PROC: variants seen among roughly 807,000 people sequenced by gnomAD.
The protein encoded by PROC is vitamin K-dependent protein C.
In PROC, 22 loss-of-function variants were observed where a neutral mutation model predicts 36.3. The ratio of observed to expected loss-of-function variants is 0.61; its 90% CI spans 0.43 to 0.86. PROC has a LOEUF of 0.86. PROC is among the 40% of genes least tolerant of loss of function. The pLI is 0.00. For synonymous variants in PROC, 218 were observed against 244.5 expected (o/e 0.89, Z 1.01); for missense variants, 526 against 629.7 (o/e 0.84, Z 1.76).
At chr2:127,421,192 TCTC>T (rs1688069229) in intron 2 of PROC, 88 bp from the exon 3 acceptor site, 1 of 1,370,456 alleles carries the variant, frequency 7.3e-7, no homozygotes, top group Non-Finnish European at 1.0e-6. Context: ...CTTCCCAGGC[TCTC>T]CCAGCTCTGC....
intron 6 of PROC, among the ~76,000 whole-genome samples, chr2:127,423,915 A>G (rs990953112): frequency 3.9e-5 from 6 of 152,204 alleles, no homozygotes; most frequent in Non-Finnish European, 7.3e-5. Flanking sequence ...ATATGTATGA[A>G]ACTTTAAAAA....
chr2:127,428,763 C>A lies in PROC; in HGVS notation c.1203C>A (p.Asp401Glu). 6.2e-7 allele frequency: 1 copy of A among 1,613,082 alleles called. No homozygotes were observed. Among genetic ancestry groups the A allele is most frequent in the Non-Finnish European group, 8.5e-7 (1 of 1,179,850 alleles). The change falls in exon 9 of 9, where the codon GAC becomes GAA. Residue 401 changes from aspartate to glutamate, a missense_variant. Transcript: ENST00000234071. Reference sequence around the variant, plus strand: ...ACCGGCAGGATGCCTGCGAGGGCGACAGTGGGGGGCCCATGGTCGCCTCCT... The same window carrying A: ...ACCGGCAGGATGCCTGCGAGGGCGAAAGTGGGGGGCCCATGGTCGCCTCCT... ...LGDRQDACEG[D>E]SGGPMVASFH...
At chr2:127,421,910 A>C (rs1343107293) in intron 3 of PROC, among the ~76,000 whole-genome samples, 1 of 152,202 alleles carries the variant, frequency 6.6e-6, no homozygotes, top group Non-Finnish European at 1.5e-5. Context: ...AGGGGGTCGG[A>C]AGACAGGGTC....
chr2:127,426,107 C>T lies in PROC; in HGVS notation c.558C>T (p.Pro186=). The T allele has an allele frequency of 6.2e-7, 1 of 1,614,020 alleles. No individual in the cohort carries two copies. The highest frequency in any genetic ancestry group is 8.5e-7 in the Non-Finnish European group (1 of 1,180,006). Residue 186 remains proline, a synonymous_variant, in exon 7 of 9, where the codon CCC becomes CCT. Coordinates refer to ENST00000234071, the MANE Select transcript of PROC (RefSeq NM_000312.4). This position sits in a 1 kb window ranked among gnomAD's most constrained non-coding sequence, Gnocchi z 7.0. ...HPAVKFPCGR[P]WKRMEKKRSH... ...CAGTGAAGTTCCCTTGTGGGAGGCCCTGGAAGCGGATGGAGAAGAAGCGCA... is the reference window on the plus strand; with the variant it reads ...CAGTGAAGTTCCCTTGTGGGAGGCCTTGGAAGCGGATGGAGAAGAAGCGCA...
chr2:127,423,580 G>T (rs1449475458), intron 6 of PROC, 172 bp downstream of exon 6: 7 of 848,994 alleles, frequency 8.2e-6, no homozygotes, highest in Non-Finnish European at 1.2e-5. Context: ...CACTGTTAGC[G>T]CAATCAGCCC....
chr2:127,421,510 C>A, intron 3 of PROC, 61 bp downstream of exon 3: 1 of 1,593,866 alleles, frequency 6.3e-7, no homozygotes, highest in Non-Finnish European at 8.6e-7. Context: ...CAGCAGGGGC[C>A]TCGAGGAGCA....
At position 127,422,931 on chromosome 2, in the gene PROC, C is replaced by G; in HGVS notation, c.252C>G (p.Ser84=). 6.3e-7 allele frequency: 1 copy of G among 1,584,256 alleles called. No homozygotes were observed. Among genetic ancestry groups the G allele is most frequent in the Non-Finnish European group, 8.6e-7 (1 of 1,166,446 alleles). The part of the protein sequence containing the change: ...QNVDDTLAFW[S]KHVDGDQCLV... ...TCTCTCCGCAGCTGGCCTTCTGGTC[C>G]AAGCACGTCGGTGAGTGCGTTCTAG... The change falls in exon 4 of 9, where the codon TCC becomes TCG. Residue 84 remains serine, a synonymous_variant. Coordinates refer to ENST00000234071, the MANE Select transcript of PROC (RefSeq NM_000312.4).
At position 127,418,604 on chromosome 2, in the gene PROC, G is replaced by A; in HGVS notation, c.-22+112G>A. ...ATCCTCCAGCCAGGGTGCTCAACAA[G>A]CCTGAGCTTGGGGTGAAAGGACACA... is the stretch of plus-strand genomic sequence containing the variant. On this transcript the variant is annotated intron_variant, in intron 1 of 8. Coordinates refer to ENST00000234071, the MANE Select transcript of PROC (RefSeq NM_000312.4). This position sits in a 1 kb window ranked among gnomAD's most constrained non-coding sequence, Gnocchi z 4.8. 3.0e-6 allele frequency: 3 copies of A among 1,009,720 alleles called. No individual in the cohort carries two copies. The highest frequency in any genetic ancestry group is 4.1e-6 in the Non-Finnish European group (3 of 739,686). The allele number at this position is 1,009,720 out of a possible 1,614,324, so 62.5% of individuals were successfully genotyped here. A position where few individuals can be genotyped will look rare whatever the true frequency, so the allele number is the denominator to read the frequency against.
At chr2:127,427,028 C>T (rs1688548897) in intron 7 of PROC, 77 bp from the exon 8 acceptor site, 4 of 1,237,188 alleles carry the variant, frequency 3.2e-6, no homozygotes, top group Non-Finnish European at 4.8e-6. Flanking sequence ...CAGGAAAGTG[C>T]ATATGAAACC....
chr2:127,429,060 C>G lies in PROC; in HGVS notation c.*114C>G. 8.2e-7 allele frequency: 1 copy of G among 1,219,752 alleles called. No individual in the cohort carries two copies. Among genetic ancestry groups the G allele is most frequent in the African/African-American group, 1.5e-5 (1 of 66,642 alleles). 75.6% of individuals were successfully genotyped at this position (1,219,752 alleles called of 1,614,324 possible). ...CCTTCCATCCCTCTTTTGGGCTCTTCTGGAGGGAAGTAACATTTACTGAGC... is the reference window on the plus strand; with the variant it reads ...CCTTCCATCCCTCTTTTGGGCTCTTGTGGAGGGAAGTAACATTTACTGAGC... On this transcript the variant is annotated 3_prime_UTR_variant, in exon 9 of 9. Transcript: ENST00000234071.
Position 127,423,552 on chromosome 2 carries a change from G to T in PROC, c.535+144G>T, listed in dbSNP as rs1477927876. On this transcript the variant is annotated intron_variant, in intron 6 of 8. Coordinates refer to ENST00000234071, the MANE Select transcript of PROC (RefSeq NM_000312.4). The stretch of plus-strand genomic sequence containing the variant: ...GTTGAGCCTTGGGGCAGCGGCAGAC[G>T]CGCCCCAACACCGGGGCCACTGTTA... 3.6e-6 allele frequency: 4 copies of T among 1,104,726 alleles called. No homozygotes were observed. The South Asian group carries it at 7.0e-5, about 19-fold the overall frequency. The allele number at this position is 1,104,726 out of a possible 1,614,324, so 68.4% of individuals were successfully genotyped here. A position where few individuals can be genotyped will look rare whatever the true frequency, so the allele number is the denominator to read the frequency against.
chr2:127,426,431 TG>T lies in PROC; in HGVS notation c.678+209del. 1.6e-6 allele frequency: 1 copy of T among 626,236 alleles called. No homozygotes were observed. Among genetic ancestry groups the T allele is most frequent in the Non-Finnish European group, 2.8e-6 (1 of 363,590 alleles). The allele number at this position is 626,236 out of a possible 1,614,324, so 38.8% of individuals were successfully genotyped here. A position where few individuals can be genotyped will look rare whatever the true frequency, so the allele number is the denominator to read the frequency against. On this transcript the variant is annotated intron_variant, in intron 7 of 8. Transcript: ENST00000234071. The surrounding 1 kb of genome is among the most constrained non-coding windows in gnomAD (Gnocchi z 7.0). ...GCCAGGGTGGGTGAGGGGAGGGGCATGGGGGCATGGAGGGGTCTGCAGGAGG... is the reference window on the plus strand; with the variant it reads ...GCCAGGGTGGGTGAGGGGAGGGGCATGGGGCATGGAGGGGTCTGCAGGAGG...
rs201827066 is a variant in PROC, at chr2:127,428,603, G to A, written c.1043G>A (p.Arg348Gln). Reference protein sequence around the residue: ...LVTGWGYHSSREKEAKRNRTF... With the variant: ...LVTGWGYHSSQEKEAKRNRTF... ...ACGGGCTGGGGCTACCACAGCAGCC[G>A]AGAGAAGGAGGCCAAGAGAAACCGC... The change falls in exon 9 of 9, where the codon CGA (arginine) becomes CAA (glutamine). Residue 348 changes from arginine (R) to glutamine (Q), a missense_variant. Coordinates refer to ENST00000234071, the MANE Select transcript of PROC (RefSeq NM_000312.4). The A allele has an allele frequency of 1.3e-5, 21 of 1,614,032 alleles. No homozygotes were observed. The East Asian group carries it at 2.7e-4, about 21-fold the overall frequency.
At chr2:127,419,228 A>G (rs894799850) in intron 1 of PROC, among the ~76,000 whole-genome samples, 2 of 152,180 alleles carry the variant, frequency 1.3e-5, no homozygotes, top group Non-Finnish European at 2.9e-5. Flanking sequence ...AACTCCTCCG[A>G]GTCTCAGTTT....
At chr2:127,424,587 C>T (rs551014825) in intron 6 of PROC, among the ~76,000 whole-genome samples, 53 of 152,294 alleles carry the variant, frequency 3.5e-4, no homozygotes, top group African/African-American at 1.1e-3. Flanking sequence ...ACCAATAATT[C>T]CAGCACTTTG....
intron 6 of PROC, among the ~76,000 whole-genome samples, chr2:127,425,606 C>G (rs1221684687): frequency 6.6e-6 from 1 of 152,208 alleles, no homozygotes; most frequent in Non-Finnish European, 1.5e-5. Flanking sequence ...GGGATCACCC[C>G]CAACAGCCCT....
intron 6 of PROC, chr2:127,423,609 C>G: frequency 1.4e-6 from 1 of 692,694 alleles, no homozygotes; most frequent in Non-Finnish European, 2.2e-6. Flanking sequence ...GGCGCGCCCT[C>G]CGCTTTCCCT....
chr2:127,425,164 A>G (rs1688407467), intron 6 of PROC, among the ~76,000 whole-genome samples: 1 of 152,148 alleles, frequency 6.6e-6, no homozygotes, highest in Non-Finnish European at 1.5e-5. Context: ...TGGAAGCCCC[A>G]CAGCCTCCTA....
At position 127,421,364 on chromosome 2, in the gene PROC, G is replaced by A. The variant is rs1688080491; in HGVS notation, c.152G>A (p.Arg51His). The change falls in exon 3 of 9, where the codon CGT becomes CAT. Residue 51 changes from arginine (R) to histidine (H), a missense_variant. Arg to His is a conservative substitution (Grantham distance 29). Transcript: ENST00000234071. ...GCCAACTCCTTCCTGGAGGAGCTCC[G>A]TCACAGCAGCCTGGAGCGGGAGTGC... ...KRANSFLEEL[R>H]HSSLERECIE... 11 of 1,613,954 alleles carry A rather than the reference G, an allele frequency of 6.8e-6. No homozygotes were observed. Among genetic ancestry groups the A allele is most frequent in the South Asian group, 5.5e-5 (5 of 91,082 alleles).
Sources: gnomAD v4.1 joint callset for allele counts (sites outside exome capture counted in the v4.1 genomes callset) on GRCh38, gnomAD v4.1.1 for gene constraint, Gnocchi (gnomAD v3.1) non-coding constraint, MANE v1.5 for transcripts, NCBI Gene and HGNC (gene_info 2026-07-23, HGNC 2026-07-21) for gene names.